The following MAF variants were observed in gnomAD, a reference collection of about 807,000 sequenced individuals.
MAF encodes transcription factor Maf.
A neutral mutation model predicts 22.0 loss-of-function variants in MAF; 10 were observed. That is an observed-to-expected ratio of 0.45 (90% CI 0.28 to 0.77). The LOEUF (loss-of-function observed/expected upper bound fraction) is 0.77, where lower values mean the gene tolerates loss of function less well. Among genes scored for constraint, MAF ranks in the 30% least tolerant of loss-of-function variants. The probability of loss-of-function intolerance (pLI) is 0.12; values close to 1 mark genes in which losing one functional copy is unlikely to be tolerated. For missense variants in MAF, 544 were observed against 548.4 expected (o/e 0.99, Z 0.08); for synonymous variants, 337 against 255.8 (o/e 1.32, Z -3.03).
At chr16:79,506,257 T>C in the MAF span, among the ~76,000 whole-genome samples, 1 of 152,196 alleles carries the variant, frequency 6.6e-6, no homozygotes, top group African/African-American at 2.4e-5. Context: ...ACATCTGAAA[T>C]GGATGCCTTC....
chr16:79,364,208 T>C, the MAF span, among the ~76,000 whole-genome samples: 1 of 152,132 alleles, frequency 6.6e-6, no homozygotes, highest in Admixed American at 6.5e-5. Context: ...GTAATCACTG[T>C]GGGGGATGTG....
At chr16:79,372,336 G>C in the MAF span, among the ~76,000 whole-genome samples, 32 of 152,090 alleles carry the variant, frequency 2.1e-4, no homozygotes, top group African/African-American at 7.2e-4. Flanking sequence ...TTAAATAATA[G>C]ATGTTAAAAA....
chr16:79,566,289 C>G, the MAF span, among the ~76,000 whole-genome samples: 1 of 152,154 alleles, frequency 6.6e-6, no homozygotes, highest in Non-Finnish European at 1.5e-5. Flanking sequence ...CACTTTTAGA[C>G]CAATGTGGGA....
At chr16:79,368,373 G>C in the MAF span, among the ~76,000 whole-genome samples, 1 of 152,038 alleles carries the variant, frequency 6.6e-6, no homozygotes, top group South Asian at 2.1e-4. Flanking sequence ...TGAACAATCA[G>C]GAAAAGATCT....
At chr16:79,526,079 T>C in the MAF span, among the ~76,000 whole-genome samples, 1,242 of 152,296 alleles carry the variant, frequency 8.2e-3, 14 homozygotes, top group African/African-American at 0.028. Flanking sequence ...TCAGTTCCCA[T>C]GGACCCCCAT....
chr16:79,214,105 C>G, the MAF span, among the ~76,000 whole-genome samples: 1 of 152,132 alleles, frequency 6.6e-6, no homozygotes. Context: ...GATTTTTAGT[C>G]TCTGCTCACG....
At chr16:79,566,315 G>A in the MAF span, among the ~76,000 whole-genome samples, 1 of 152,304 alleles carries the variant, frequency 6.6e-6, no homozygotes, top group South Asian at 2.1e-4. Context: ...TAATCTTAGG[G>A]TCTTACAAAA....
the MAF span, among the ~76,000 whole-genome samples, chr16:79,567,116 G>A: frequency 2.0e-5 from 3 of 152,158 alleles, no homozygotes; most frequent in African/African-American, 4.8e-5. Context: ...TCAGGAGTTC[G>A]AGACCAGCCT....
the MAF span, among the ~76,000 whole-genome samples, chr16:79,277,867 C>T: frequency 6.6e-6 from 1 of 152,190 alleles, no homozygotes; most frequent in African/African-American, 2.4e-5. Context: ...GGCATTATAT[C>T]TGTGCCTCCT....
At chr16:79,316,531 T>C in the MAF span, among the ~76,000 whole-genome samples, 1 of 152,214 alleles carries the variant, frequency 6.6e-6, no homozygotes, top group Non-Finnish European at 1.5e-5. Context: ...TTACCTTCTT[T>C]GAATTGCTAA....
At chr16:79,381,084 G>A in the MAF span, among the ~76,000 whole-genome samples, 4 of 152,358 alleles carry the variant, frequency 2.6e-5, no homozygotes, top group East Asian at 1.9e-4. Context: ...ACAGAATGAA[G>A]GGCACATGTG....
chr16:79,463,820 A>G, the MAF span, among the ~76,000 whole-genome samples: 1 of 152,066 alleles, frequency 6.6e-6, no homozygotes, highest in African/African-American at 2.4e-5. Context: ...TCCCCCTGTG[A>G]ACTGTGAAAC....
the MAF span, among the ~76,000 whole-genome samples, chr16:79,531,495 C>T: frequency 6.6e-6 from 1 of 151,920 alleles, no homozygotes; most frequent in African/African-American, 2.4e-5. Flanking sequence ...TACAACTCAC[C>T]ATAATGTAGA....
intron 1 of MAF, chr16:79,597,611 T>C (rs1427929406): frequency 2.9e-6 from 3 of 1,022,484 alleles, no homozygotes; most frequent in African/African-American, 1.7e-5. Flanking sequence ...AAAGCAGTTT[T>C]GGAGCAGATG....
the MAF span, among the ~76,000 whole-genome samples, chr16:79,542,003 T>C: frequency 6.6e-6 from 1 of 152,122 alleles, no homozygotes; most frequent in Non-Finnish European, 1.5e-5. Context: ...ATTGTGGCAT[T>C]TGCTCAGTTT....
the MAF span, among the ~76,000 whole-genome samples, chr16:79,488,548 G>A: frequency 1.5e-3 from 226 of 152,192 alleles, no homozygotes; most frequent in Non-Finnish European, 2.5e-3. Context: ...AACAAGGAAC[G>A]GGTCGAACAT....
the MAF span, among the ~76,000 whole-genome samples, chr16:79,263,883 T>C: frequency 6.6e-6 from 1 of 152,190 alleles, no homozygotes; most frequent in Admixed American, 6.5e-5. Flanking sequence ...ACAACCACCA[T>C]TTCTAGGTGG....
the MAF span, among the ~76,000 whole-genome samples, chr16:79,414,591 C>A: frequency 2.6e-5 from 4 of 152,114 alleles, no homozygotes; most frequent in Non-Finnish European, 4.4e-5. Context: ...GACAAATATC[C>A]AAACTATATC....
the MAF span, among the ~76,000 whole-genome samples, chr16:79,374,914 G>A: frequency 1.3e-5 from 2 of 152,306 alleles, no homozygotes; most frequent in Non-Finnish European, 2.9e-5. Flanking sequence ...ATAGGATCAC[G>A]CTCTAAAGGG....
Sources: gnomAD v4.1 joint callset for allele counts (sites outside exome capture counted in the v4.1 genomes callset) on GRCh38, gnomAD v4.1.1 for gene constraint, MANE v1.5 for transcripts, NCBI Gene and HGNC (gene_info 2026-07-23, HGNC 2026-07-21) for gene names.